The following CCP110 variants were observed in gnomAD, a reference collection of about 807,000 sequenced individuals.
CCP110 encodes the protein centriolar coiled-coil protein of 110 kDa.
Under a neutral mutation model 105.5 loss-of-function variants are expected in CCP110, and 43 were observed. The observed-to-expected ratio is 0.41, with a 90% confidence interval of 0.32 to 0.53. CCP110 has a LOEUF of 0.53. CCP110 is among the 20% of genes least tolerant of loss of function. The pLI is 0.32. For synonymous variants in CCP110, 353 were observed against 392.1 expected (o/e 0.90, Z 1.18); for missense variants, 1,016 against 1,189.1 (o/e 0.85, Z 2.14).
chr16:19,551,270 A>G (rs1175051644), exon 15 of CCP110: 2 of 1,593,758 alleles, frequency 1.3e-6, no homozygotes, highest in East Asian at 4.5e-5. Flanking sequence ...TCATTAGGAT[A>G]AAATGGGGGG....
At chr16:19,536,603 A>G (rs761555016) in exon 4 of CCP110, 2 of 1,614,070 alleles carry the variant, frequency 1.2e-6, no homozygotes, top group Non-Finnish European at 8.5e-7. Flanking sequence ...AGCAAGCAGC[A>G]TGAGTATGCC....
exon 4 of CCP110, chr16:19,536,294 GAAC>G (rs766842785): frequency 3.1e-6 from 5 of 1,613,282 alleles, no homozygotes; most frequent in Non-Finnish European, 4.2e-6. Context: ...CTCAGTAAAT[GAAC>G]AACAGGATCT....
chr16:19,531,278 A>G (rs1432854578), intron 2 of CCP110, among the ~76,000 whole-genome samples: 2 of 152,224 alleles, frequency 1.3e-5, no homozygotes, highest in African/African-American at 4.8e-5. Context: ...TGTGATGTTT[A>G]TGGACCTAAT....
exon 15 of CCP110, chr16:19,553,221 GC>G (rs1361612359): frequency 6.6e-6 from 1 of 152,116 alleles, no homozygotes; most frequent in Non-Finnish European, 1.5e-5. Context: ...GGTGTTCATA[GC>G]TTCTTCTCAT....
chr16:19,537,300 C>T lies in CCP110; in HGVS notation c.1631C>T (p.Ser544Phe), dbSNP rs760622290. 4 of 1,614,002 alleles carry T rather than the reference C, an allele frequency of 2.5e-6. No individual in the cohort carries two copies. In the Admixed American group the frequency reaches 6.7e-5, roughly 27 times the overall value. ...AGTTTGCAAACAGAACTGAATAAGT[C>T]TTATGATGTAAAAAACCCTTCTCCT... The change falls in exon 4 of 15, where the codon TCT becomes TTT. Residue 544 changes from serine (S) to phenylalanine (F), a missense_variant. Coordinates refer to ENST00000381396, the Ensembl canonical transcript of CCP110.
At chr16:19,543,519 G>A (rs556143570) in intron 8 of CCP110, among the ~76,000 whole-genome samples, 14 of 152,264 alleles carry the variant, frequency 9.2e-5, no homozygotes, top group South Asian at 2.1e-4. Context: ...GAATAACAGC[G>A]TTTTTCAGGG....
intron 5 of CCP110, among the ~76,000 whole-genome samples, chr16:19,541,541 A>T (rs1388375921): frequency 6.6e-6 from 1 of 150,878 alleles, no homozygotes; most frequent in Non-Finnish European, 1.5e-5. Flanking sequence ...CAGGAGAATC[A>T]CTTGAACCCG....
chr16:19,543,058 C>A lies in CCP110; in HGVS notation c.2484+64C>A, dbSNP rs1055856235. On this transcript the variant is annotated intron_variant, in intron 8 of 14. Transcript: ENST00000381396. ...TTAGTTTCTATCAGTCTTGTGACAG[C>A]TGAGCTAACAGATTAGTTCAGAACT... 10 of 902,706 alleles carry A rather than the reference C, an allele frequency of 1.1e-5. No individual in the cohort carries two copies. In the African/African-American group the frequency reaches 1.5e-4, roughly 13 times the overall value. 55.9% of individuals were successfully genotyped at this position (902,706 alleles called of 1,614,324 possible).
At chr16:19,536,901 T>C in exon 4 of CCP110, 1 of 1,614,190 alleles carries the variant, frequency 6.2e-7, no homozygotes, top group Non-Finnish European at 8.5e-7. Context: ...ATGGACTTAA[T>C]TATTCAAGAT....
At chr16:19,537,246 A>T in exon 4 of CCP110, 1 of 1,614,172 alleles carries the variant, frequency 6.2e-7, no homozygotes, top group South Asian at 1.1e-5. Context: ...AGTGGACTCA[A>T]GCCAGCCAGT....
intron 5 of CCP110, among the ~76,000 whole-genome samples, chr16:19,541,230 T>G (rs1030426003): frequency 1.3e-5 from 2 of 150,336 alleles, no homozygotes; most frequent in South Asian, 4.3e-4. Context: ...GCCACTGCAC[T>G]CCAGCCTGGG....
intron 14 of CCP110, among the ~76,000 whole-genome samples, chr16:19,550,789 G>T (rs560839109): frequency 2.0e-5 from 3 of 152,292 alleles, no homozygotes; most frequent in South Asian, 4.1e-4. Context: ...TGCAATCTCT[G>T]ATGTTATCGT....
At chr16:19,529,869 T>G (rs554219986) in intron 2 of CCP110, among the ~76,000 whole-genome samples, 1 of 152,338 alleles carries the variant, frequency 6.6e-6, no homozygotes, top group East Asian at 1.9e-4. Flanking sequence ...TATTTTAATC[T>G]AAAATAGCTA....
At chr16:19,533,230 G>A (rs963177458) in intron 3 of CCP110, among the ~76,000 whole-genome samples, 1 of 144,566 alleles carries the variant, frequency 6.9e-6, no homozygotes, top group African/African-American at 2.6e-5. Context: ...TGTTTAATTC[G>A]TATCGATGAC....
At chr16:19,529,358 G>A (rs949401976) in intron 2 of CCP110, among the ~76,000 whole-genome samples, 5 of 152,118 alleles carry the variant, frequency 3.3e-5, no homozygotes, top group African/African-American at 1.2e-4. Flanking sequence ...TGGTATAACA[G>A]GAGTTAAGAG....
At chr16:19,543,180 C>T (rs184775415) in intron 8 of CCP110, among the ~76,000 whole-genome samples, 186 bp downstream of exon 8, 11 of 152,198 alleles carry the variant, frequency 7.2e-5, no homozygotes, top group Admixed American at 2.6e-4. Flanking sequence ...CAGCTGGAGC[C>T]GCAGCAAAGG....
intron 8 of CCP110, 53 bp from the exon 9 acceptor site, chr16:19,544,744 T>A: frequency 1.1e-6 from 1 of 943,066 alleles, no homozygotes; most frequent in Non-Finnish European, 1.7e-6. Flanking sequence ...CAAACTCCAG[T>A]GATCACAAAT....
At chr16:19,551,057 A>G (rs890815317) in intron 14 of CCP110, 139 bp from the exon 14 acceptor site, 11 of 632,940 alleles carry the variant, frequency 1.7e-5, no homozygotes, top group Admixed American at 2.8e-5. Flanking sequence ...TTTCTACCTC[A>G]GGATGATTCA....
At chr16:19,539,202 A>G (rs1423164167) in intron 4 of CCP110, among the ~76,000 whole-genome samples, 1 of 152,080 alleles carries the variant, frequency 6.6e-6, no homozygotes, top group Non-Finnish European at 1.5e-5. Context: ...GCAATTTATT[A>G]AAGCACGTTT....
Sources: allele counts gnomAD v4.1 joint callset (sites outside exome capture counted in the v4.1 genomes callset), GRCh38; gene constraint gnomAD v4.1.1; transcripts MANE v1.5; gene names NCBI Gene and HGNC (gene_info 2026-07-23, HGNC 2026-07-21).